WEE2: variants seen among roughly 807,000 people sequenced by gnomAD.
WEE2 encodes the protein WEE2 oocyte meiosis inhibiting kinase, also known as wee1-like protein kinase 2.
A neutral mutation model predicts 60.1 loss-of-function variants in WEE2; 50 were observed. That is an observed-to-expected ratio of 0.83 (90% CI 0.66 to 1.05). The LOEUF is 1.05. Among genes scored for constraint, WEE2 ranks in the 50% least tolerant of loss-of-function variants. The pLI is 0.00. For missense variants in WEE2, 631 were observed against 684.3 expected, an observed-to-expected ratio of 0.92 and a Z score of 0.87; for synonymous variants, 240 against 241.0, an observed-to-expected ratio of 1.00 and a Z score of 0.04.
rs1173481082 is a variant in WEE2, at chr7:141,729,655, A to G, written c.1660A>G (p.Arg554Gly). 1.2e-6 allele frequency: 2 copies of G among 1,613,348 alleles called. No homozygotes were observed. The highest frequency in any genetic ancestry group is 2.7e-5 in the African/African-American group (2 of 74,964). The change falls in exon 11 of 12, where the codon AGG (arginine) becomes GGG (glycine). Residue 554 changes from arginine (R) to glycine (G), a missense_variant. Physicochemically the swap from Arg to Gly is moderately radical, Grantham distance 125 (BLOSUM62 -2). Coordinates refer to ENST00000397541, the MANE Select transcript of WEE2 (RefSeq NM_001105558.1). ...ACGCCTGGTGGGAGGAAAGAGTGCA[A>G]GGTCTTCAAGCTTTACCTGTGAGTA... is the stretch of plus-strand genomic sequence containing the variant. ...TKRLVGGKSA[R>G]SSSFTSGERE...
At chr7:141,720,731 C>G (rs1798894209) in intron 4 of WEE2, 1 of 616,698 alleles carries the variant, frequency 1.6e-6, no homozygotes, top group Non-Finnish European at 2.7e-6. Context: ...CGACTTTGGG[C>G]CACTTACTTT....
intron 3 of WEE2, 61 bp downstream of exon 3, chr7:141,716,328 T>G: frequency 6.6e-7 from 1 of 1,507,250 alleles, no homozygotes. Flanking sequence ...TTCTTTCTCT[T>G]CTTCCCCTCC....
rs138533137 is a variant in WEE2 at position 141,718,679 on chromosome 7, T to C, written c.586-393T>C. 3.1e-3 allele frequency among the ~76,000 whole-genome samples: 479 copies of C among 152,210 alleles called. 7 individuals carry two copies. Among genetic ancestry groups the C allele is most frequent in the East Asian group, 0.024 (123 of 5,180 alleles). ...ATTAGCATTCAGACTTTAAGACACA[T>C]AAAGAAGGGGGGTCTTTCATTTCTT... On this transcript the variant is annotated intron_variant, in intron 3 of 11. Coordinates refer to ENST00000397541, the MANE Select transcript of WEE2 (RefSeq NM_001105558.1).
chr7:141,717,068 A>G (rs1188895230), intron 3 of WEE2, among the ~76,000 whole-genome samples: 1 of 152,254 alleles, frequency 6.6e-6, no homozygotes, highest in Admixed American at 6.5e-5. Flanking sequence ...TAAGATGTTT[A>G]TAACACCTTG....
chr7:141,718,026 TAA>T (rs2117111122), intron 3 of WEE2, among the ~76,000 whole-genome samples: 1 of 152,252 alleles, frequency 6.6e-6, no homozygotes, highest in East Asian at 1.9e-4. Context: ...TTAGAAGAGT[TAA>T]AGAGAGGGCT....
At position 141,727,426 on chromosome 7, in the gene WEE2, C is replaced by T; in HGVS notation, c.1515C>T (p.Phe505=). The change falls in exon 10 of 12, where the codon TTC becomes TTT. Residue 505 remains phenylalanine, a synonymous_variant. Coordinates refer to ENST00000397541, the MANE Select transcript of WEE2 (RefSeq NM_001105558.1). ...AACAGCAGCTGAATTTGGAAAAGTT[C>T]AAGACTGCCACACTGGAAAGGTATA... ...ELQQQLNLEK[F]KTATLERELR... 1.2e-6 allele frequency: 2 copies of T among 1,614,142 alleles called. No individual in the cohort carries two copies. Among genetic ancestry groups the T allele is most frequent in the South Asian group, 1.1e-5 (1 of 91,066 alleles).
At chr7:141,718,809 C>T (rs557600815) in intron 3 of WEE2, among the ~76,000 whole-genome samples, 3 of 152,034 alleles carry the variant, frequency 2.0e-5, no homozygotes, top group Admixed American at 2.0e-4. Context: ...GAACAGTATG[C>T]CCAGATAGAG....
intron 9 of WEE2, among the ~76,000 whole-genome samples, chr7:141,726,292 A>G (rs1799016147): frequency 6.6e-6 from 1 of 151,648 alleles, no homozygotes; most frequent in Non-Finnish European, 1.5e-5. Flanking sequence ...TTTATTTTTT[A>G]TTTTTTGGGA....
intron 3 of WEE2, 117 bp downstream of exon 3, chr7:141,716,384 C>T: frequency 1.0e-6 from 1 of 972,566 alleles, no homozygotes; most frequent in East Asian, 2.5e-5. Context: ...CCTACCCTCC[C>T]TTTTCTCCTT....
At chr7:141,713,613 T>C (rs1798743876) in intron 1 of WEE2, among the ~76,000 whole-genome samples, 1 of 152,198 alleles carries the variant, frequency 6.6e-6, no homozygotes, top group African/African-American at 2.4e-5. Context: ...TCTCAGTTAG[T>C]GCTTTATTTT....
Position 141,730,515 on chromosome 7 carries a change from G to T in WEE2, c.*195G>T. On this transcript the variant is annotated 3_prime_UTR_variant, in exon 12 of 12. Coordinates refer to ENST00000397541, the MANE Select transcript of WEE2 (RefSeq NM_001105558.1). ...CCAGGTTATATGATGCTGTTCCTAA[G>T]AGAGAATTCCCAGCTTCTTTGAGGA... 2 of 529,948 alleles carry T rather than the reference G, an allele frequency of 3.8e-6. No homozygotes were observed. The highest frequency in any genetic ancestry group is 6.7e-6 in the Non-Finnish European group (2 of 297,428). The allele number at this position is 529,948 out of a possible 1,614,324, so 32.8% of individuals were successfully genotyped here. A position where few individuals can be genotyped will look rare whatever the true frequency, so the allele number is the denominator to read the frequency against.
At chr7:141,725,283 G>A in intron 9 of WEE2, 87 bp downstream of exon 9, 1 of 1,418,292 alleles carries the variant, frequency 7.1e-7, no homozygotes, top group Non-Finnish European at 9.5e-7. Flanking sequence ...AAATGGAGAT[G>A]CTAGTAGTGT....
Position 141,721,072 on chromosome 7 carries a change from A to G in WEE2, c.880+16A>G, listed in dbSNP as rs1455947840. 1 of 1,613,380 alleles carries G rather than the reference A, an allele frequency of 6.2e-7. No homozygotes were observed. The highest frequency in any genetic ancestry group is 8.5e-7 in the Non-Finnish European group (1 of 1,179,788). On this transcript the variant is annotated intron_variant, in intron 5 of 11. Coordinates refer to ENST00000397541, the MANE Select transcript of WEE2 (RefSeq NM_001105558.1). ...TACTGCAATGGTAAGTAGTATATAG[A>G]TGAATAACTACGAAGAGGGAGATGA...
chr7:141,709,116 G>C lies in WEE2; in HGVS notation c.342+16G>C, dbSNP rs750159007. On this transcript the variant is annotated intron_variant, in intron 1 of 11. Coordinates refer to ENST00000397541, the MANE Select transcript of WEE2 (RefSeq NM_001105558.1). Reference sequence around the variant, plus strand: ...TACTCCCAAAGTAAGTAAGGGGTGGGGGAAAAAGGGACGCAGGTCGCCAAG... The same window carrying C: ...TACTCCCAAAGTAAGTAAGGGGTGGCGGAAAAAGGGACGCAGGTCGCCAAG... 5.0e-6 allele frequency: 8 copies of C among 1,602,966 alleles called. No individual in the cohort carries two copies. The East Asian group carries it at 1.8e-4, about 36-fold the overall frequency.
intron 5 of WEE2, among the ~76,000 whole-genome samples, chr7:141,722,098 A>G (rs1280771119): frequency 6.6e-6 from 1 of 152,158 alleles, no homozygotes; most frequent in East Asian, 1.9e-4. Flanking sequence ...GAACCTGCCA[A>G]TGAACACTAA....
intron 9 of WEE2, among the ~76,000 whole-genome samples, chr7:141,727,020 G>A (rs1348780875): frequency 1.3e-5 from 2 of 152,184 alleles, no homozygotes; most frequent in Admixed American, 6.5e-5. Context: ...TTTATCGAGA[G>A]TCTTAGTTTT....
chr7:141,727,225 G>A, intron 9 of WEE2, 79 bp from the exon 10 acceptor site: 1 of 1,472,280 alleles, frequency 6.8e-7, no homozygotes, highest in East Asian at 2.3e-5. Flanking sequence ...GGAGAAGCTG[G>A]GTTGGAGTTG....
At chr7:141,709,169 G>C in intron 1 of WEE2, 69 bp downstream of exon 1, 2 of 1,325,108 alleles carry the variant, frequency 1.5e-6, no homozygotes, top group South Asian at 2.6e-5. Context: ...TTAGCTGATA[G>C]AGTGGATTCA....
rs1006040516 is a variant in WEE2, at chr7:141,725,033, G to A, written c.1229G>A (p.Arg410Gln). 6.8e-6 allele frequency: 11 copies of A among 1,613,276 alleles called. No homozygotes were observed. The highest frequency in any genetic ancestry group is 6.7e-5 in the Admixed American group (4 of 59,932). The change falls in exon 9 of 12, where the codon CGG becomes CAG. Residue 410 changes from arginine (R) to glutamine (Q), a missense_variant. Arg to Gln is a conservative substitution (Grantham distance 43, BLOSUM62 1). Transcript: ENST00000397541. ...LANEILQEDY[R>Q]HLPKADIFAL... The stretch of plus-strand genomic sequence containing the variant: ...CTGTCTTCTGTTTTGAAGGATTACC[G>A]GCACCTTCCCAAAGCAGACATATTT...
Sources: gnomAD v4.1 joint callset for allele counts (sites outside exome capture counted in the v4.1 genomes callset) on GRCh38, gnomAD v4.1.1 for gene constraint, MANE v1.5 for transcripts, NCBI Gene and HGNC (gene_info 2026-07-23, HGNC 2026-07-21) for gene names.